Variants in NEURL1B observed in about 807,000 individuals in gnomAD.
The protein encoded by NEURL1B is E3 ubiquitin-protein ligase NEURL1B.
NEURL1B carries 13 observed loss-of-function variants against 37.4 expected under a neutral mutation model. The ratio of observed to expected loss-of-function variants is 0.35; its 90% CI spans 0.23 to 0.55. The LOEUF (loss-of-function observed/expected upper bound fraction) is 0.55. Among genes scored for constraint, NEURL1B ranks in the 20% least tolerant of loss-of-function variants. The pLI, the probability that NEURL1B is intolerant of heterozygous loss-of-function variation, is 0.89. For missense variants in NEURL1B, 790 were observed against 879.2 expected (o/e 0.90, Z 1.28); for synonymous variants, 432 against 426.6 (o/e 1.01, Z -0.16).
At chr5:172,667,555 A>G (rs1291389033) in intron 1 of NEURL1B, among the ~76,000 whole-genome samples, 1 of 152,228 alleles carries the variant, frequency 6.6e-6, no homozygotes, top group Non-Finnish European at 1.5e-5. Flanking sequence ...TTCCTACATA[A>G]AAATGAATGA....
rs1581443983 is a variant in NEURL1B, at chr5:172,688,452, G to C, written c.*1527G>C. 6.6e-6 allele frequency: 1 copy of C among 152,494 alleles called. No homozygotes were observed. The highest frequency in any genetic ancestry group is 1.5e-5 in the Non-Finnish European group (1 of 68,170). 9.4% of individuals were successfully genotyped at this position (152,494 alleles called of 1,614,324 possible). On this transcript the variant is annotated 3_prime_UTR_variant, in exon 5 of 5. Coordinates refer to ENST00000369800, the MANE Select transcript of NEURL1B (RefSeq NM_001142651.3). The surrounding 1 kb of genome is among the most constrained non-coding windows in gnomAD (Gnocchi z 4.3). Reference sequence around the variant, plus strand: ...GAGGGAAGGAGGGAGAGGAAGGCAGGGGAGTTGATGCATTCATATAACAAA... The same window carrying C: ...GAGGGAAGGAGGGAGAGGAAGGCAGCGGAGTTGATGCATTCATATAACAAA...
chr5:172,666,910 T>G (rs1453466048), intron 1 of NEURL1B, among the ~76,000 whole-genome samples: 3 of 152,168 alleles, frequency 2.0e-5, no homozygotes, highest in African/African-American at 7.2e-5. Flanking sequence ...TCTCCCTCTG[T>G]TGGCCCATTT....
intron 2 of NEURL1B, among the ~76,000 whole-genome samples, chr5:172,670,710 T>TTCAC (rs745863102): frequency 9.3e-4 from 141 of 151,704 alleles, no homozygotes; most frequent in Non-Finnish European, 9.9e-4. Context: ...CATTCATTCA[T>TTCAC]TCACTCATTC....
At chr5:172,678,051 C>T (rs1011588980) in intron 2 of NEURL1B, among the ~76,000 whole-genome samples, 1 of 152,076 alleles carries the variant, frequency 6.6e-6, no homozygotes, top group Non-Finnish European at 1.5e-5. Context: ...TGACCTCTCC[C>T]GGCTGTGTGA....
At chr5:172,653,514 A>C (rs1437969401) in intron 1 of NEURL1B, among the ~76,000 whole-genome samples, 2 of 152,214 alleles carry the variant, frequency 1.3e-5, no homozygotes, top group Non-Finnish European at 2.9e-5. Flanking sequence ...TTAGTGCTTT[A>C]AGAAAAACCC....
In NEURL1B at chr5:172,691,235, T is replaced by G. The variant is rs1202222955; in HGVS notation, c.*4310T>G. ...TCGCTGAAATCCTTTTTGCATCATG[T>G]TTTTTGATGTTGGAGTGATGAAGTG... On this transcript the variant is annotated 3_prime_UTR_variant, in exon 5 of 5. Transcript: ENST00000369800. 1 of 152,164 alleles carries G rather than the reference T, an allele frequency of 6.6e-6. No homozygotes were observed. Among genetic ancestry groups the G allele is most frequent in the African/African-American group, 2.4e-5 (1 of 41,436 alleles). The allele number at this position is 152,164 out of a possible 1,614,324, so 9.4% of individuals were successfully genotyped here. A position where few individuals can be genotyped will look rare whatever the true frequency, so the allele number is the denominator to read the frequency against.
chr5:172,670,467 A>G (rs11749132), intron 2 of NEURL1B, 137 bp downstream of exon 2: 309,042 of 613,100 alleles, frequency 0.5, 80,102 homozygotes, highest in South Asian at 0.61. Context: ...TACGCCTTTT[A>G]ACTAATTTAT....
chr5:172,672,911 G>A (rs980644741), intron 2 of NEURL1B, among the ~76,000 whole-genome samples: 1 of 152,126 alleles, frequency 6.6e-6, no homozygotes, highest in Non-Finnish European at 1.5e-5. Context: ...ATACATATAT[G>A]GAAAGAGCTT....
chr5:172,651,404 T>C (rs970395741), intron 1 of NEURL1B, among the ~76,000 whole-genome samples: 23 of 152,316 alleles, frequency 1.5e-4, no homozygotes, highest in Admixed American at 1.4e-3. Flanking sequence ...AGGGTATTAT[T>C]CCTTTCCATT....
In NEURL1B at chr5:172,683,135, G is replaced by A. The variant is rs1342024057; in HGVS notation, c.578-284G>A. Among the ~76,000 whole-genome samples, 3 of 152,168 alleles carry A rather than the reference G, an allele frequency of 2.0e-5. No homozygotes were observed. The highest frequency in any genetic ancestry group is 4.4e-5 in the Non-Finnish European group (3 of 68,022). The stretch of plus-strand genomic sequence containing the variant: ...GGTGGAGAGAAAAGGAGGGATGGAA[G>A]AAGAGAAAGGAGGAGGCAGGGGAAA... On this transcript the variant is annotated intron_variant, in intron 2 of 4. Coordinates refer to ENST00000369800, the MANE Select transcript of NEURL1B (RefSeq NM_001142651.3). The surrounding 1 kb of genome is among the most constrained non-coding windows in gnomAD (Gnocchi z 5.6).
In NEURL1B at chr5:172,683,584, GC is replaced by G; in HGVS notation, c.746del (p.Pro249HisfsTer42). ...CACCTGGCGCTGGGCCGCGCCCCGG[GC>G]CCACCGCCAGCCGACGCCGCGGCCG... ...LGHLALGRAP[G>X]PPPADAAAAA... On this transcript the variant is annotated frameshift_variant, in exon 3 of 5. Transcript: ENST00000369800. LOFTEE classifies it high-confidence loss of function. This position sits in a 1 kb window ranked among gnomAD's most constrained non-coding sequence, Gnocchi z 5.6. The G allele has an allele frequency of 7.5e-7, 1 of 1,329,116 alleles. No homozygotes were observed. Among genetic ancestry groups the G allele is most frequent in the Non-Finnish European group, 9.6e-7 (1 of 1,041,602 alleles). 82.3% of individuals were successfully genotyped at this position (1,329,116 alleles called of 1,614,324 possible). A position where few individuals can be genotyped will look rare whatever the true frequency, so the allele number is the denominator to read the frequency against.
At chr5:172,652,540 C>A (rs1260566348) in intron 1 of NEURL1B, among the ~76,000 whole-genome samples, 1 of 152,174 alleles carries the variant, frequency 6.6e-6, no homozygotes, top group Non-Finnish European at 1.5e-5. Context: ...TGGGGCAGTC[C>A]ATCCTTGCTG....
chr5:172,666,183 C>T (rs926717198), intron 1 of NEURL1B, among the ~76,000 whole-genome samples: 5 of 127,520 alleles, frequency 3.9e-5, no homozygotes, highest in Admixed American at 7.4e-5. Context: ...CAAACAACAA[C>T]CACCACCACC....
At chr5:172,680,753 C>G (rs1758335862) in intron 2 of NEURL1B, among the ~76,000 whole-genome samples, 1 of 152,198 alleles carries the variant, frequency 6.6e-6, no homozygotes, top group Non-Finnish European at 1.5e-5. Context: ...AAAGTAGAAT[C>G]AAACCATGTG....
chr5:172,665,521 G>T lies in NEURL1B; in HGVS notation c.32-4264G>T, dbSNP rs1052553158. ...GTGGCCCTGCTTTGCCAAAAGCCCT[G>T]TAGCGGCTCCCTCTTGCCCATGCAG... On this transcript the variant is annotated intron_variant, in intron 1 of 4. Transcript: ENST00000369800. This position sits in a 1 kb window ranked among gnomAD's most constrained non-coding sequence, Gnocchi z 4.1. Among the ~76,000 whole-genome samples, 3 of 152,248 alleles carry T rather than the reference G, an allele frequency of 2.0e-5. No individual in the cohort carries two copies. The highest frequency in any genetic ancestry group is 4.8e-5 in the African/African-American group (2 of 41,472).
At position 172,686,385 on chromosome 5, in the gene NEURL1B, G is replaced by A. The variant is rs944058704; in HGVS notation, c.1423+89G>A. On this transcript the variant is annotated intron_variant, in intron 4 of 4. Transcript: ENST00000369800. The surrounding 1 kb of genome is among the most constrained non-coding windows in gnomAD (Gnocchi z 7.9). ...CCAGTGGCCTTCCAGGGACTGAGCA[G>A]GGTGGCCGCCTTTCCCCCGCATCCT... 1.0e-5 allele frequency: 14 copies of A among 1,388,846 alleles called. No homozygotes were observed. The highest frequency in any genetic ancestry group is 1.4e-5 in the Non-Finnish European group (14 of 1,017,008). The allele number at this position is 1,388,846 out of a possible 1,614,324, so 86.0% of individuals were successfully genotyped here.
intron 1 of NEURL1B, among the ~76,000 whole-genome samples, chr5:172,646,749 G>A (rs969608198): frequency 1.3e-5 from 2 of 152,164 alleles, no homozygotes; most frequent in Admixed American, 1.3e-4. Context: ...GCTTCCTGGA[G>A]GAGGTGCGCT....
intron 2 of NEURL1B, among the ~76,000 whole-genome samples, chr5:172,670,813 C>G (rs142085468): frequency 8.3e-4 from 127 of 152,292 alleles, no homozygotes; most frequent in Admixed American, 1.3e-3. Context: ...ACTCATTCAG[C>G]GTCAAACTTA....
Position 172,676,104 on chromosome 5 carries a change from A to G in NEURL1B, c.577+5774A>G, listed in dbSNP as rs1758228090. On this transcript the variant is annotated intron_variant, in intron 2 of 4. Coordinates refer to ENST00000369800, the MANE Select transcript of NEURL1B (RefSeq NM_001142651.3). The surrounding 1 kb of genome is among the most constrained non-coding windows in gnomAD (Gnocchi z 4.5). ...TCATGGCATAGCAGACCATATTGTC[A>G]GAAATCTTTGGTTGCAAGGGACAGA... Among the ~76,000 whole-genome samples the G allele has an allele frequency of 1.3e-5, 2 of 151,880 alleles. No homozygotes were observed. Among genetic ancestry groups the G allele is most frequent in the South Asian group, 4.2e-4 (2 of 4,794 alleles).
Sources: gnomAD v4.1 joint callset for allele counts (sites outside exome capture counted in the v4.1 genomes callset) on GRCh38, gnomAD v4.1.1 for gene constraint, Gnocchi (gnomAD v3.1) non-coding constraint, MANE v1.5 for transcripts, NCBI Gene and HGNC (gene_info 2026-07-23, HGNC 2026-07-21) for gene names.